Variants in GRM1 observed in about 807,000 individuals in gnomAD.
GRM1 encodes glutamate metabotropic receptor 1.
A neutral mutation model predicts 90.9 loss-of-function variants in GRM1; 33 were observed. The observed-to-expected ratio is 0.36, with a 90% confidence interval of 0.28 to 0.49. The LOEUF is 0.49. Ranked by LOEUF, GRM1 falls within the 20% of genes least tolerant of loss-of-function variation. The pLI, the probability that GRM1 is intolerant of heterozygous loss-of-function variation, is 0.99. For missense variants in GRM1, 1,190 were observed against 1,534.3 expected, an observed-to-expected ratio of 0.78 and a Z score of 3.75; for synonymous variants, 700 against 613.2, an observed-to-expected ratio of 1.14 and a Z score of -2.09.
intron 1 of GRM1, among the ~76,000 whole-genome samples, chr6:146,042,213 G>C (rs938898904): frequency 6.4e-4 from 97 of 151,970 alleles, no homozygotes; most frequent in Non-Finnish European, 1.0e-3. Context: ...ATAGCAAGTA[G>C]CCTCCACTTC....
rs1052333992 is a variant in GRM1 at position 146,414,353 on chromosome 6, C to G, written c.2660+14654C>G. On this transcript the variant is annotated intron_variant, in intron 7 of 7. Transcript: ENST00000282753. ...TGTGAAATATCTATCCAAATTCTTT[C>G]TTCTTTTATTGGGCCGTTTGCCTTT... 2.0e-5 allele frequency among the ~76,000 whole-genome samples: 3 copies of G among 147,790 alleles called. No homozygotes were observed. In the East Asian group the frequency reaches 6.0e-4, roughly 30 times the overall value.
chr6:146,065,154 T>C (rs764651673), intron 1 of GRM1, among the ~76,000 whole-genome samples: 24 of 152,180 alleles, frequency 1.6e-4, no homozygotes, highest in Non-Finnish European at 2.9e-4. Context: ...GGAGAAAGCC[T>C]TCTTAATGTG....
chr6:146,123,558 C>G (rs1776084409), intron 1 of GRM1, among the ~76,000 whole-genome samples: 1 of 152,184 alleles, frequency 6.6e-6, no homozygotes, highest in Non-Finnish European at 1.5e-5. Context: ...TTACAGAACT[C>G]TAGGCTAGAA....
In GRM1 at chr6:146,115,137, A is replaced by G. The variant is rs145982154; in HGVS notation, c.701-44211A>G. ...AAAGTAATTGCTTTTGACTTTAGGT[A>G]TGTTATTTTGTTTCTCTATAGTTCA... On this transcript the variant is annotated intron_variant, in intron 1 of 7. Coordinates refer to ENST00000282753, the MANE Select transcript of GRM1 (RefSeq NM_001278064.2). Among the ~76,000 whole-genome samples the G allele has an allele frequency of 5.3e-5, 8 of 152,068 alleles. No individual in the cohort carries two copies. In the East Asian group the frequency reaches 7.7e-4, roughly 15 times the overall value.
At chr6:146,058,890 G>A (rs953601217) in intron 1 of GRM1, among the ~76,000 whole-genome samples, 4 of 152,170 alleles carry the variant, frequency 2.6e-5, no homozygotes, top group Middle Eastern at 6.8e-3. Flanking sequence ...TCATGAAATT[G>A]TATTAATTCA....
chr6:146,059,756 C>T (rs1303896585), intron 1 of GRM1, among the ~76,000 whole-genome samples: 1 of 152,160 alleles, frequency 6.6e-6, no homozygotes, highest in East Asian at 1.9e-4. Flanking sequence ...TCAGCACTTG[C>T]TTCTTCATCT....
chr6:146,039,238 C>G (rs1268885286), intron 1 of GRM1, among the ~76,000 whole-genome samples: 3 of 152,044 alleles, frequency 2.0e-5, no homozygotes, highest in African/African-American at 7.2e-5. Context: ...CCCTCTGGTC[C>G]AGGGAAGCAG....
intron 1 of GRM1, among the ~76,000 whole-genome samples, chr6:146,132,410 C>A (rs973691395): frequency 5.9e-5 from 9 of 151,934 alleles, no homozygotes; most frequent in Non-Finnish European, 1.2e-4. Context: ...TATAGGTGAG[C>A]AAGTGTAAGG....
At chr6:146,189,133 T>A (rs1366999374) in intron 2 of GRM1, among the ~76,000 whole-genome samples, 1 of 152,204 alleles carries the variant, frequency 6.6e-6, no homozygotes, top group Admixed American at 6.5e-5. Flanking sequence ...ATTCCAAAGC[T>A]CCTACTTCTT....
intron 2 of GRM1, among the ~76,000 whole-genome samples, chr6:146,202,825 A>G (rs1779348469): frequency 6.6e-6 from 1 of 152,224 alleles, no homozygotes; most frequent in Non-Finnish European, 1.5e-5. Flanking sequence ...TTTAAAAATT[A>G]GTCGAAGGCT....
intron 2 of GRM1, among the ~76,000 whole-genome samples, chr6:146,254,500 C>T (rs1208432647): frequency 3.3e-5 from 5 of 152,116 alleles, no homozygotes; most frequent in Non-Finnish European, 5.9e-5. Flanking sequence ...TGACTTTTGA[C>T]GTGTTTTGAT....
At chr6:146,182,884 A>G (rs1212143026) in intron 2 of GRM1, among the ~76,000 whole-genome samples, 1 of 152,186 alleles carries the variant, frequency 6.6e-6, no homozygotes, top group Non-Finnish European at 1.5e-5. Context: ...AGTAACAGAA[A>G]TACCTGCTTT....
At chr6:146,361,790 C>T (rs765022772) in intron 5 of GRM1, among the ~76,000 whole-genome samples, 3 of 152,228 alleles carry the variant, frequency 2.0e-5, no homozygotes, top group Non-Finnish European at 4.4e-5. Flanking sequence ...TATCATCCCA[C>T]GGACACATGT....
intron 1 of GRM1, among the ~76,000 whole-genome samples, chr6:146,143,089 A>T (rs903333404): frequency 6.6e-6 from 1 of 152,132 alleles, no homozygotes; most frequent in African/African-American, 2.4e-5. Context: ...TCAGGGCCTA[A>T]GAGCTCTTTA....
Position 146,169,253 on chromosome 6 carries a change from A to G in GRM1, c.950+9656A>G, listed in dbSNP as rs531963619. ...TAAAATTTCAGATATTGTATTTTTC[A>G]TCTCTAAAAGTTATACCTGAGTATT... On this transcript the variant is annotated intron_variant, in intron 2 of 7. Coordinates refer to ENST00000282753, the MANE Select transcript of GRM1 (RefSeq NM_001278064.2). Among the ~76,000 whole-genome samples, 7 of 152,182 alleles carry G rather than the reference A, an allele frequency of 4.6e-5. No individual in the cohort carries two copies. The South Asian group carries it at 1.4e-3, about 32-fold the overall frequency.
intron 2 of GRM1, among the ~76,000 whole-genome samples, chr6:146,270,975 T>C (rs1317868081): frequency 7.2e-6 from 1 of 138,156 alleles, no homozygotes; most frequent in Non-Finnish European, 1.5e-5. Flanking sequence ...CTTTTTTTTT[T>C]CTCTCTCTCT....
intron 1 of GRM1, among the ~76,000 whole-genome samples, chr6:146,095,113 A>G (rs1198245367): frequency 1.3e-5 from 2 of 152,102 alleles, no homozygotes; most frequent in African/African-American, 2.4e-5. Context: ...TAACCCTATA[A>G]TGTCTTTATA....
intron 1 of GRM1, among the ~76,000 whole-genome samples, chr6:146,112,992 A>G (rs1457796408): frequency 6.6e-6 from 1 of 152,200 alleles, no homozygotes; most frequent in African/African-American, 2.4e-5. Flanking sequence ...AGTATTTTGT[A>G]TTATTCTGTT....
chr6:146,327,236 G>C (rs1236200665), intron 3 of GRM1, among the ~76,000 whole-genome samples: 1 of 152,104 alleles, frequency 6.6e-6, no homozygotes, highest in African/African-American at 2.4e-5. Flanking sequence ...TCTTGGCTGT[G>C]ATTCTTATGA....
Sources: allele counts gnomAD v4.1 joint callset (sites outside exome capture counted in the v4.1 genomes callset), GRCh38; gene constraint gnomAD v4.1.1; transcripts MANE v1.5; gene names NCBI Gene and HGNC (gene_info 2026-07-23, HGNC 2026-07-21).